The following RPS6KC1 variants were observed in gnomAD, a reference collection of about 807,000 sequenced individuals.
RPS6KC1 encodes inactive ribosomal protein S6 kinase delta-1.
Under a neutral mutation model 103.8 loss-of-function variants are expected in RPS6KC1, and 54 were observed. The ratio of observed to expected loss-of-function variants is 0.52; its 90% CI spans 0.42 to 0.65. The LOEUF (loss-of-function observed/expected upper bound fraction) is 0.65, where lower values mean the gene tolerates loss of function less well. Among genes scored for constraint, RPS6KC1 ranks in the 30% least tolerant of loss-of-function variants. RPS6KC1 has a pLI of 0.00. For synonymous variants in RPS6KC1, 439 were observed against 438.7 expected (o/e 1.00, Z -0.01); for missense variants, 1,151 against 1,253.8 (o/e 0.92, Z 1.24).
the RPS6KC1 span, among the ~76,000 whole-genome samples, chr1:213,481,226 T>C: frequency 6.6e-6 from 1 of 152,232 alleles, no homozygotes; most frequent in African/African-American, 2.4e-5. Flanking sequence ...AACTAGTTTA[T>C]GTGATGTCAG....
At chr1:213,642,585 C>G in the RPS6KC1 span, among the ~76,000 whole-genome samples, 1 of 151,878 alleles carries the variant, frequency 6.6e-6, no homozygotes, top group Non-Finnish European at 1.5e-5. Flanking sequence ...TCCTGAATAT[C>G]AAGCCTTTGA....
the RPS6KC1 span, among the ~76,000 whole-genome samples, chr1:213,314,455 C>CTA: frequency 9.2e-5 from 14 of 152,178 alleles, no homozygotes; most frequent in Non-Finnish European, 1.9e-4. Context: ...AACACCTTGA[C>CTA]TATGGAACAG....
At chr1:213,848,904 T>TC in the RPS6KC1 span, among the ~76,000 whole-genome samples, 1 of 151,686 alleles carries the variant, frequency 6.6e-6, no homozygotes, top group Non-Finnish European at 1.5e-5. Flanking sequence ...GGGAGAGGAA[T>TC]CCCGGGGCAT....
the RPS6KC1 span, among the ~76,000 whole-genome samples, chr1:213,760,848 C>CTTT: frequency 9.4e-5 from 11 of 117,200 alleles, no homozygotes; most frequent in African/African-American, 3.2e-4. Flanking sequence ...TGTGAGTCTA[C>CTTT]TTTTTTTTTT....
At chr1:213,164,315 C>T (rs1364045622) in intron 6 of RPS6KC1, among the ~76,000 whole-genome samples, 1 of 152,174 alleles carries the variant, frequency 6.6e-6, no homozygotes, top group Non-Finnish European at 1.5e-5. Flanking sequence ...AGATGGTGCA[C>T]TGAGAAACAC....
chr1:213,429,803 A>G, the RPS6KC1 span, among the ~76,000 whole-genome samples: 13 of 152,220 alleles, frequency 8.5e-5, no homozygotes, highest in Non-Finnish European at 1.9e-4. Context: ...AATTAGAAAT[A>G]TAGCCAACTT....
At chr1:213,728,414 G>A in the RPS6KC1 span, among the ~76,000 whole-genome samples, 1 of 152,070 alleles carries the variant, frequency 6.6e-6, no homozygotes, top group Admixed American at 6.6e-5. Context: ...ATCCCTTCTC[G>A]TGGAGCTCAT....
At chr1:213,583,786 A>G in the RPS6KC1 span, among the ~76,000 whole-genome samples, 3 of 140,618 alleles carry the variant, frequency 2.1e-5, no homozygotes, top group Non-Finnish European at 3.0e-5. Flanking sequence ...GCACCATTGC[A>G]CTCCAGCCTG....
At chr1:213,656,110 T>G in the RPS6KC1 span, among the ~76,000 whole-genome samples, 2 of 152,212 alleles carry the variant, frequency 1.3e-5, no homozygotes, top group Non-Finnish European at 2.9e-5. Flanking sequence ...AGTTTCTGAC[T>G]TGGGTACCAA....
chr1:213,397,231 C>T, the RPS6KC1 span, among the ~76,000 whole-genome samples: 3 of 152,030 alleles, frequency 2.0e-5, no homozygotes, highest in Admixed American at 6.6e-5. Flanking sequence ...ACTCTGACAT[C>T]AGTTAGCGTT....
chr1:213,761,564 T>A, the RPS6KC1 span, among the ~76,000 whole-genome samples: 1 of 152,366 alleles, frequency 6.6e-6, no homozygotes, highest in Non-Finnish European at 1.5e-5. Flanking sequence ...CTTACAGTGA[T>A]GACTGCACTG....
intron 1 of RPS6KC1, among the ~76,000 whole-genome samples, chr1:213,069,373 G>A (rs1397685822): frequency 1.3e-5 from 2 of 152,144 alleles, no homozygotes; most frequent in Admixed American, 1.3e-4. Flanking sequence ...TGTCTGGTAG[G>A]GGACAGGAAA....
the RPS6KC1 span, among the ~76,000 whole-genome samples, chr1:213,449,524 C>T: frequency 6.6e-6 from 1 of 152,170 alleles, no homozygotes; most frequent in Non-Finnish European, 1.5e-5. Flanking sequence ...GGACACCAGT[C>T]CCATGGGATT....
intron 3 of RPS6KC1, among the ~76,000 whole-genome samples, chr1:213,081,700 A>G (rs1419684849): frequency 2.1e-5 from 3 of 144,868 alleles, no homozygotes; most frequent in Non-Finnish European, 4.5e-5. Flanking sequence ...GCCCTGAGGG[A>G]TACCAGCTTT....
At chr1:213,138,782 G>A (rs1448916340) in intron 6 of RPS6KC1, among the ~76,000 whole-genome samples, 1 of 152,058 alleles carries the variant, frequency 6.6e-6, no homozygotes. Flanking sequence ...GCTTGATTCC[G>A]TGTCTTTGTT....
At chr1:213,160,167 G>A (rs758892147) in intron 6 of RPS6KC1, among the ~76,000 whole-genome samples, 7 of 152,160 alleles carry the variant, frequency 4.6e-5, no homozygotes, top group Non-Finnish European at 1.0e-4. Context: ...AGCATACTGT[G>A]TTGCCGTTAG....
the RPS6KC1 span, among the ~76,000 whole-genome samples, chr1:213,382,045 C>G: frequency 4.2e-3 from 634 of 152,312 alleles, 5 homozygotes; most frequent in South Asian, 0.01. Flanking sequence ...ACACCAAATG[C>G]CGATTTTTTT....
At chr1:213,087,147 G>T (rs6695662) in intron 3 of RPS6KC1, among the ~76,000 whole-genome samples, 268 of 152,086 alleles carry the variant, frequency 1.8e-3, no homozygotes, top group African/African-American at 6.0e-3. Context: ...AAGATCACTT[G>T]TTAGATAACC....
At chr1:213,576,227 C>T in the RPS6KC1 span, among the ~76,000 whole-genome samples, 1 of 151,900 alleles carries the variant, frequency 6.6e-6, no homozygotes, top group East Asian at 1.9e-4. Flanking sequence ...AATAATACAA[C>T]AATAAAAATA....
Sources: gnomAD v4.1 joint callset for allele counts (sites outside exome capture counted in the v4.1 genomes callset) on GRCh38, gnomAD v4.1.1 for gene constraint, MANE v1.5 for transcripts, NCBI Gene and HGNC (gene_info 2026-07-23, HGNC 2026-07-21) for gene names.